The following DLC1 variants were observed in gnomAD, a reference collection of about 807,000 sequenced individuals.
DLC1 encodes the protein rho GTPase-activating protein 7.
In DLC1, 54 loss-of-function variants were observed where a neutral mutation model predicts 140.3. That is an observed-to-expected ratio of 0.38 (90% CI 0.31 to 0.48). The LOEUF (loss-of-function observed/expected upper bound fraction) is 0.48, where lower values mean the gene tolerates loss of function less well. Among genes scored for constraint, DLC1 ranks in the 20% least tolerant of loss-of-function variants. The pLI, the probability that DLC1 is intolerant of heterozygous loss-of-function variation, is 0.96. For missense variants in DLC1, 2,536 were observed against 1,907.0 expected (o/e 1.33, Z -6.14); for synonymous variants, 986 against 728.1 (o/e 1.35, Z -5.70).
chr8:13,270,504 A>G (rs961623776), intron 5 of DLC1, among the ~76,000 whole-genome samples: 1 of 152,174 alleles, frequency 6.6e-6, no homozygotes, highest in Non-Finnish European at 1.5e-5. Flanking sequence ...GCAATTTTCA[A>G]AGCAGGTCCC....
At chr8:13,585,026 G>A (rs1239824417) in intron 1 of DLC1, among the ~76,000 whole-genome samples, 3 of 152,106 alleles carry the variant, frequency 2.0e-5, no homozygotes, top group African/African-American at 7.2e-5. Flanking sequence ...AAAGATTCTT[G>A]AGGAACTCCT....
intron 1 of DLC1, among the ~76,000 whole-genome samples, chr8:13,592,574 A>T (rs749480497): frequency 6.6e-5 from 10 of 152,080 alleles, no homozygotes; most frequent in Non-Finnish European, 1.5e-4. Flanking sequence ...TAATTAATCC[A>T]AAACATATTT....
At chr8:13,136,742 T>C (rs1243347453) in intron 5 of DLC1, among the ~76,000 whole-genome samples, 3 of 152,132 alleles carry the variant, frequency 2.0e-5, no homozygotes, top group Non-Finnish European at 2.9e-5. Context: ...GCCATGTTGC[T>C]CAGGCTGCTC....
At chr8:13,371,895 C>T (rs1179617736) in intron 4 of DLC1, among the ~76,000 whole-genome samples, 4 of 151,880 alleles carry the variant, frequency 2.6e-5, no homozygotes, top group Admixed American at 6.6e-5. Context: ...ATGTACAGAC[C>T]AGAAGGTAAT....
intron 5 of DLC1, among the ~76,000 whole-genome samples, chr8:13,121,257 C>G (rs1306269080): frequency 1.3e-5 from 2 of 152,234 alleles, no homozygotes; most frequent in East Asian, 3.9e-4. Flanking sequence ...GCAGGTGGTG[C>G]TTTTTGATCC....
chr8:13,556,805 T>A (rs1804062897), intron 1 of DLC1, among the ~76,000 whole-genome samples: 1 of 152,208 alleles, frequency 6.6e-6, no homozygotes, highest in Admixed American at 6.5e-5. Flanking sequence ...GAGACGCTGC[T>A]GAGTAGCCAG....
intron 2 of DLC1, among the ~76,000 whole-genome samples, chr8:13,413,841 T>C (rs1236559600): frequency 1.3e-5 from 2 of 152,142 alleles, no homozygotes; most frequent in Non-Finnish European, 2.9e-5. Flanking sequence ...AAAGCCCCTT[T>C]CTTTATAAAT....
chr8:13,175,156 A>C (rs1825689649), intron 5 of DLC1, among the ~76,000 whole-genome samples: 1 of 152,132 alleles, frequency 6.6e-6, no homozygotes, highest in Non-Finnish European at 1.5e-5. Context: ...ACTTTGTTGA[A>C]GGTCAGATGG....
At chr8:13,470,019 A>G (rs1184041131) in intron 2 of DLC1, among the ~76,000 whole-genome samples, 6 of 152,144 alleles carry the variant, frequency 3.9e-5, no homozygotes, top group Non-Finnish European at 2.9e-5. Context: ...TCATTTATAT[A>G]AAGTACCATC....
At chr8:13,198,225 G>C (rs533612346) in intron 5 of DLC1, among the ~76,000 whole-genome samples, 2 of 152,186 alleles carry the variant, frequency 1.3e-5, no homozygotes, top group Non-Finnish European at 2.9e-5. Flanking sequence ...TAAAATATGT[G>C]ATAAGGCAAA....
At chr8:13,355,094 T>G (rs1481559089) in intron 4 of DLC1, among the ~76,000 whole-genome samples, 1 of 144,886 alleles carries the variant, frequency 6.9e-6, no homozygotes, top group Admixed American at 7.1e-5. Context: ...ACATCATTTT[T>G]TAGAGCACAA....
chr8:13,268,571 G>C (rs1376206466), intron 5 of DLC1, among the ~76,000 whole-genome samples: 1 of 152,150 alleles, frequency 6.6e-6, no homozygotes, highest in Non-Finnish European at 1.5e-5. Context: ...TATTTGTAAT[G>C]ACGGAGTCTT....
At chr8:13,114,151 C>T (rs541895623) in intron 6 of DLC1, among the ~76,000 whole-genome samples, 5 of 152,320 alleles carry the variant, frequency 3.3e-5, no homozygotes, top group African/African-American at 4.8e-5. Flanking sequence ...CACCTGAGGT[C>T]GGGAGTTCAC....
rs1355173324 is a variant in DLC1 at position 13,244,146 on chromosome 8, C to G, written c.1348+61123G>C. On this transcript the variant is annotated intron_variant, in intron 5 of 17. Transcript: ENST00000276297. ...TTTCTAAATATTTTTCAAACCCATT[C>G]CCTACTGTTTAGCTATACTTCCTTC... Among the ~76,000 whole-genome samples, 4 of 152,144 alleles carry G rather than the reference C, an allele frequency of 2.6e-5. No individual in the cohort carries two copies. The East Asian group carries it at 7.7e-4, about 29-fold the overall frequency.
chr8:13,189,158 C>A (rs748131811), intron 5 of DLC1, among the ~76,000 whole-genome samples: 1 of 151,972 alleles, frequency 6.6e-6, no homozygotes. Flanking sequence ...ACTCTCTCTG[C>A]GGAAAGCTTT....
intron 2 of DLC1, among the ~76,000 whole-genome samples, chr8:13,479,838 G>GA (rs756551119): frequency 0.02 from 433 of 21,712 alleles, 47 homozygotes; most frequent in Non-Finnish European, 0.051. Context: ...AGAAGAAGAA[G>GA]AAGAAGAAGA....
intron 2 of DLC1, among the ~76,000 whole-genome samples, chr8:13,423,093 C>T (rs1356746210): frequency 1.3e-5 from 2 of 152,150 alleles, no homozygotes; most frequent in Non-Finnish European, 2.9e-5. Flanking sequence ...GTGAAAGGCA[C>T]AACTAAACAC....
At chr8:13,168,359 T>A (rs890602574) in intron 5 of DLC1, among the ~76,000 whole-genome samples, 5 of 152,204 alleles carry the variant, frequency 3.3e-5, no homozygotes, top group African/African-American at 7.2e-5. Context: ...TGTATCTAGA[T>A]CTCGTTCCAG....
In DLC1 at chr8:13,568,875, A is replaced by T. The variant is rs1433353148; in HGVS notation, c.-126+35662T>A. 2.0e-5 allele frequency among the ~76,000 whole-genome samples: 3 copies of T among 152,336 alleles called. No individual in the cohort carries two copies. The South Asian group carries it at 6.2e-4, about 32-fold the overall frequency. On this transcript the variant is annotated intron_variant, in intron 1 of 1. Transcript: ENST00000631382. The stretch of plus-strand genomic sequence containing the variant: ...CTTATACAAATGGGGCAGACAAAAT[A>T]GATTGAGGAAAAATGTAAGTAAATA...
Sources: allele counts gnomAD v4.1 joint callset (sites outside exome capture counted in the v4.1 genomes callset), GRCh38; gene constraint gnomAD v4.1.1; transcripts MANE v1.5; gene names NCBI Gene and HGNC (gene_info 2026-07-23, HGNC 2026-07-21).